SELENOT: variants seen among roughly 807,000 people sequenced by gnomAD.
The protein encoded by SELENOT is thioredoxin reductase-like selenoprotein T.
A neutral mutation model predicts 24.3 loss-of-function variants in SELENOT; 9 were observed. That is an observed-to-expected ratio of 0.37 (90% confidence interval 0.22 to 0.65). The LOEUF (loss-of-function observed/expected upper bound fraction) is 0.65, where lower values mean the gene tolerates loss of function less well. Among genes scored for constraint, SELENOT ranks in the 30% least tolerant of loss-of-function variants. The pLI is 0.60. For synonymous variants in SELENOT, 81 were observed against 86.0 expected, an observed-to-expected ratio of 0.94 and a Z score of 0.32; for missense variants, 166 against 247.6, an observed-to-expected ratio of 0.67 and a Z score of 2.21.
At chr3:150,605,687 C>T (rs1725948069) in intron 1 of SELENOT, among the ~76,000 whole-genome samples, 1 of 152,132 alleles carries the variant, frequency 6.6e-6, no homozygotes, top group Admixed American at 6.6e-5. Context: ...ATAAGACCCA[C>T]CAAATACAGA....
intron 1 of SELENOT, among the ~76,000 whole-genome samples, chr3:150,610,831 G>A (rs1726068825): frequency 6.6e-6 from 1 of 151,676 alleles, no homozygotes; most frequent in Non-Finnish European, 1.5e-5. Context: ...TATCTCTTGA[G>A]TACTCTGAGA....
At chr3:150,611,708 C>A in intron 1 of SELENOT, 1 of 1,595,998 alleles carries the variant, frequency 6.3e-7, no homozygotes, top group Non-Finnish European at 8.6e-7. Context: ...CACCATCCTC[C>A]GCAGGCAGCA....
chr3:150,603,362 G>C lies in SELENOT; in HGVS notation c.-1G>C. The C allele has an allele frequency of 6.2e-7, 1 of 1,611,130 alleles. No individual in the cohort carries two copies. The highest frequency in any genetic ancestry group is 8.5e-7 in the Non-Finnish European group (1 of 1,178,084). On this transcript the variant is annotated 5_prime_UTR_variant, in exon 1 of 6. Transcript: ENST00000471696. ...CGGCCGAAGTGGCTGGCTCATTTAA[G>C]ATGAGGCTTCTGCTGCTTCTCCTAG...
chr3:150,608,608 T>TA (rs1336861718), intron 1 of SELENOT, among the ~76,000 whole-genome samples: 1 of 151,948 alleles, frequency 6.6e-6, no homozygotes, highest in African/African-American at 2.4e-5. Context: ...TCTCTAATTT[T>TA]AAAAAAAGGA....
At chr3:150,616,932 C>G (rs1309050371) in intron 1 of SELENOT, among the ~76,000 whole-genome samples, 1 of 152,234 alleles carries the variant, frequency 6.6e-6, no homozygotes, top group African/African-American at 2.4e-5. Flanking sequence ...GCGTAAGCCA[C>G]TGCACCCAGC....
chr3:150,610,126 T>G (rs1726056741), intron 1 of SELENOT, among the ~76,000 whole-genome samples: 1 of 152,216 alleles, frequency 6.6e-6, no homozygotes, highest in Admixed American at 6.5e-5. Flanking sequence ...CCCAACTGTT[T>G]TACTTATGAT....
chr3:150,605,346 A>G (rs1272705054), intron 1 of SELENOT, among the ~76,000 whole-genome samples: 1 of 152,136 alleles, frequency 6.6e-6, no homozygotes, highest in African/African-American at 2.4e-5. Context: ...CACTTGTCAC[A>G]ATAATTTACC....
At chr3:150,620,801 A>G (rs1038897735) in intron 1 of SELENOT, among the ~76,000 whole-genome samples, 3 of 152,216 alleles carry the variant, frequency 2.0e-5, no homozygotes, top group East Asian at 1.9e-4. Context: ...TAAGGTAGTT[A>G]GGCTTATAGG....
At chr3:150,603,795 G>C (rs532864511) in intron 1 of SELENOT, 65 of 247,800 alleles carry the variant, frequency 2.6e-4, no homozygotes, top group Non-Finnish European at 4.6e-4. Flanking sequence ...CTGTTAGTAC[G>C]GAGGACTGGT....
chr3:150,607,145 A>G (rs1269560053), intron 1 of SELENOT, among the ~76,000 whole-genome samples: 2 of 152,250 alleles, frequency 1.3e-5, no homozygotes, highest in Admixed American at 6.5e-5. Flanking sequence ...ATTTCAAAAC[A>G]TAAGTAGAAT....
chr3:150,624,879 C>T lies in SELENOT; in HGVS notation c.443C>T (p.Ala148Val), dbSNP rs776197790. The part of the protein sequence containing the change: ...MIENQCMSTG[A>V]FEITLNDVPV... ...GAGAACCAGTGTATGTCAACAGGTG[C>T]ATTTGAGATAACTTTAAATGGTAGG... The change falls in exon 4 of 6, where the codon GCA (alanine) becomes GTA (valine). Residue 148 changes from alanine (A) to valine (V), a missense_variant. Physicochemically the swap from Ala to Val is moderately conservative, Grantham distance 64. This residue lies in a region of SELENOT where 44 missense variants were observed against 72.2 expected (regional missense o/e 0.61). Transcript: ENST00000471696. 102 of 1,556,370 alleles carry T rather than the reference C, an allele frequency of 6.6e-5. No individual in the cohort carries two copies. The highest frequency in any genetic ancestry group is 7.8e-5 in the Non-Finnish European group (90 of 1,148,118).
chr3:150,613,223 C>A (rs2108008217), intron 1 of SELENOT, among the ~76,000 whole-genome samples: 1 of 152,310 alleles, frequency 6.6e-6, no homozygotes, highest in South Asian at 2.1e-4. Flanking sequence ...GCTGAGTCAG[C>A]TCATGGTGGA....
intron 1 of SELENOT, chr3:150,618,607 G>A (rs1018023539): frequency 1.3e-5 from 2 of 150,288 alleles, no homozygotes; most frequent in Admixed American, 1.3e-4. Context: ...CTGTAGCCTT[G>A]ACTTCTTAGA....
chr3:150,613,665 CTT>C (rs531822237), intron 1 of SELENOT, among the ~76,000 whole-genome samples: 15 of 78,914 alleles, frequency 1.9e-4, no homozygotes, highest in African/African-American at 4.4e-4. Flanking sequence ...AAGATGGGAA[CTT>C]TTTTTTTTTT....
intron 1 of SELENOT, among the ~76,000 whole-genome samples, chr3:150,610,832 T>TACTC (rs199855512): frequency 0.011 from 1,722 of 152,310 alleles, 36 homozygotes; most frequent in African/African-American, 0.04. Context: ...ATCTCTTGAG[T>TACTC]ACTCTGAGAA....
chr3:150,608,194 G>A (rs924524911), intron 1 of SELENOT, among the ~76,000 whole-genome samples: 2 of 152,088 alleles, frequency 1.3e-5, no homozygotes, highest in African/African-American at 2.4e-5. Context: ...GGGAGGGAAG[G>A]AATCCTGATT....
chr3:150,626,468 C>T (rs1441209466), intron 4 of SELENOT, among the ~76,000 whole-genome samples: 1 of 152,136 alleles, frequency 6.6e-6, no homozygotes, highest in African/African-American at 2.4e-5. Context: ...ATGTATCTTC[C>T]CTAGCCCAAA....
chr3:150,622,454 C>A lies in SELENOT; in HGVS notation c.207C>A (p.Ile69=). 1 of 1,500,928 alleles carries A rather than the reference C, an allele frequency of 6.7e-7. No homozygotes were observed. 93.0% of individuals were successfully genotyped at this position (1,500,928 alleles called of 1,614,324 possible). ...MRVISQRYPD[I]RIEGENYLPQ... is the part of the protein sequence containing the mutation. Reference sequence around the variant, plus strand: ...TTATTAGCCAGCGGTACCCAGACATCCGCATTGAAGGAGAGAATTACCTCC... The same window carrying A: ...TTATTAGCCAGCGGTACCCAGACATACGCATTGAAGGAGAGAATTACCTCC... Residue 69 remains isoleucine (I), a synonymous_variant, in exon 2 of 6, where the codon ATC becomes ATA. Coordinates refer to ENST00000471696, the MANE Select transcript of SELENOT (RefSeq NM_016275.5).
At chr3:150,608,872 A>G (rs766890206) in intron 1 of SELENOT, among the ~76,000 whole-genome samples, 1 of 152,272 alleles carries the variant, frequency 6.6e-6, no homozygotes, top group Non-Finnish European at 1.5e-5. Flanking sequence ...CCTTTTACAA[A>G]AAATTGAAAC....
Sources: gnomAD v4.1 joint callset for allele counts (sites outside exome capture counted in the v4.1 genomes callset) on GRCh38, gnomAD v4.1.1 for gene constraint, gnomAD v4.1.1 regional missense constraint, MANE v1.5 for transcripts, NCBI Gene and HGNC (gene_info 2026-07-23, HGNC 2026-07-21) for gene names.